Variants in CECR2 observed in about 807,000 individuals in gnomAD.
CECR2 encodes chromatin remodeling regulator CECR2.
Under a neutral mutation model 154.5 loss-of-function variants are expected in CECR2, and 30 were observed. The observed-to-expected ratio is 0.19, with a 90% CI of 0.15 to 0.26. The LOEUF is 0.26. Ranked by LOEUF, CECR2 falls within the 10% of genes least tolerant of loss-of-function variation. The pLI, the probability that CECR2 is intolerant of heterozygous loss-of-function variation, is 1.00. For synonymous variants in CECR2, 725 were observed against 683.7 expected (o/e 1.06, Z -0.94); for missense variants, 1,743 against 1,829.3 (o/e 0.95, Z 0.86).
intron 1 of CECR2, among the ~76,000 whole-genome samples, chr22:17,370,174 T>C (rs2063038203): frequency 6.7e-6 from 1 of 149,676 alleles, no homozygotes; most frequent in African/African-American, 2.5e-5. Flanking sequence ...CCCGTGCTTT[T>C]GTGGGAGAGG....
chr22:17,537,929 G>A (rs2056462054), intron 10 of CECR2, among the ~76,000 whole-genome samples: 2 of 152,088 alleles, frequency 1.3e-5, no homozygotes, highest in African/African-American at 4.8e-5. Flanking sequence ...AGGAGGTGGG[G>A]GTTGCAGTGA....
At chr22:17,469,121 G>A (rs1041476394) in intron 1 of CECR2, among the ~76,000 whole-genome samples, 5 of 152,008 alleles carry the variant, frequency 3.3e-5, no homozygotes, top group African/African-American at 1.2e-4. Flanking sequence ...GTCTGTGAGT[G>A]TGGTAGGTTC....
intron 2 of CECR2, among the ~76,000 whole-genome samples, chr22:17,493,134 G>A (rs2146854066): frequency 6.6e-6 from 1 of 152,124 alleles, no homozygotes; most frequent in East Asian, 1.9e-4. Context: ...ACCATGCCTG[G>A]CTAATTTCTG....
chr22:17,476,157 G>T (rs1425885977), intron 1 of CECR2, among the ~76,000 whole-genome samples: 2 of 148,914 alleles, frequency 1.3e-5, no homozygotes, highest in African/African-American at 4.9e-5. Context: ...ATTGTCACTC[G>T]GTCACAATTA....
intron 1 of CECR2, among the ~76,000 whole-genome samples, chr22:17,381,609 T>C (rs1236199735): frequency 6.6e-6 from 1 of 152,158 alleles, no homozygotes; most frequent in African/African-American, 2.4e-5. Context: ...CCCTGTGTTA[T>C]TGTCATCATT....
intron 1 of CECR2, among the ~76,000 whole-genome samples, chr22:17,426,021 T>C (rs189290329): frequency 1.3e-5 from 2 of 152,212 alleles, no homozygotes; most frequent in East Asian, 3.9e-4. Flanking sequence ...GATTAGGAAA[T>C]AAACCCTCAG....
chr22:17,511,314 G>A (rs937776147), intron 7 of CECR2, among the ~76,000 whole-genome samples: 15 of 151,992 alleles, frequency 9.9e-5, no homozygotes, highest in African/African-American at 2.4e-4. Context: ...GGCACTCACC[G>A]CATTCTGCTC....
chr22:17,433,598 G>A lies in CECR2; in HGVS notation c.127-43990G>A, dbSNP rs2054459418. Among the ~76,000 whole-genome samples, 5 of 152,130 alleles carry A rather than the reference G, an allele frequency of 3.3e-5. No homozygotes were observed. The South Asian group carries it at 1.0e-3, about 32-fold the overall frequency. On this transcript the variant is annotated intron_variant, in intron 1 of 18. Coordinates refer to ENST00000262608, the MANE Select transcript of CECR2 (RefSeq NM_001290047.2). Reference sequence around the variant, plus strand: ...GTAGGTGGGACTACAGGTGCGCACTGCCATGCCCGGCTAATTTTTGTGTTC... The same window carrying A: ...GTAGGTGGGACTACAGGTGCGCACTACCATGCCCGGCTAATTTTTGTGTTC...
chr22:17,467,403 T>C (rs66735877), intron 1 of CECR2, among the ~76,000 whole-genome samples: 21,018 of 152,056 alleles, frequency 0.14, 1,644 homozygotes, highest in East Asian at 0.23. Flanking sequence ...AGCATCACAG[T>C]GATAACAAAG....
intron 1 of CECR2, among the ~76,000 whole-genome samples, chr22:17,413,033 C>T (rs1030376965): frequency 5.3e-5 from 8 of 152,182 alleles, no homozygotes; most frequent in African/African-American, 1.9e-4. Flanking sequence ...CTGGCCCTGT[C>T]CTCCACCCTC....
Position 17,457,644 on chromosome 22 carries a change from A to G in CECR2, c.127-19944A>G, listed in dbSNP as rs1269102211. 1.8e-4 allele frequency among the ~76,000 whole-genome samples: 28 copies of G among 152,344 alleles called. No individual in the cohort carries two copies. The South Asian group carries it at 5.8e-3, about 32-fold the overall frequency. On this transcript the variant is annotated intron_variant, in intron 1 of 18. Transcript: ENST00000262608. ...TGTTAAGTATAAACATCCATTTACC[A>G]TATGACCCAGCGGTTACACTTTTGG...
At chr22:17,510,063 C>T (rs909416580) in intron 7 of CECR2, among the ~76,000 whole-genome samples, 1 of 152,100 alleles carries the variant, frequency 6.6e-6, no homozygotes, top group Non-Finnish European at 1.5e-5. Context: ...GCTTTATAAA[C>T]TTTAATTTCT....
chr22:17,370,881 T>C (rs5992673), intron 1 of CECR2, among the ~76,000 whole-genome samples: 31,191 of 152,220 alleles, frequency 0.2, 4,715 homozygotes, highest in African/African-American at 0.43. Flanking sequence ...CCTTCTCTTC[T>C]ATGGCAATAT....
chr22:17,500,999 G>GT (rs942588699), intron 5 of CECR2, among the ~76,000 whole-genome samples: 8 of 152,114 alleles, frequency 5.3e-5, no homozygotes, highest in African/African-American at 1.7e-4. Context: ...GAACAAGACA[G>GT]TTTTTTTCAT....
chr22:17,413,962 C>T (rs1367401354), intron 1 of CECR2, among the ~76,000 whole-genome samples: 5 of 142,532 alleles, frequency 3.5e-5, no homozygotes, highest in African/African-American at 7.9e-5. Flanking sequence ...CAGGCGTGAA[C>T]CACCGCGCCC....
At chr22:17,418,654 A>T in intron 1 of CECR2, 1 of 272,822 alleles carries the variant, frequency 3.7e-6, no homozygotes, top group Admixed American at 4.7e-5. Context: ...GCTGTGTGCC[A>T]GACACTCGCG....
At chr22:17,453,308 G>T (rs561179446) in intron 1 of CECR2, among the ~76,000 whole-genome samples, 3 of 152,184 alleles carry the variant, frequency 2.0e-5, no homozygotes, top group African/African-American at 7.2e-5. Context: ...TGGACACGGT[G>T]GCGTATGCCT....
intron 1 of CECR2, among the ~76,000 whole-genome samples, chr22:17,433,729 G>A (rs1054746084): frequency 6.6e-6 from 1 of 152,200 alleles, no homozygotes; most frequent in Non-Finnish European, 1.5e-5. Context: ...TTACAGGCAT[G>A]AGTCACTGTA....
chr22:17,458,540 T>C (rs2054889314), intron 1 of CECR2, among the ~76,000 whole-genome samples: 1 of 151,924 alleles, frequency 6.6e-6, no homozygotes, highest in African/African-American at 2.4e-5. Flanking sequence ...ATATTATAGT[T>C]ATGTAAGATG....
Sources: gnomAD v4.1 joint callset for allele counts (sites outside exome capture counted in the v4.1 genomes callset) on GRCh38, gnomAD v4.1.1 for gene constraint, MANE v1.5 for transcripts, NCBI Gene and HGNC (gene_info 2026-07-23, HGNC 2026-07-21) for gene names.